Variants in EPAS1 observed in about 807,000 individuals in gnomAD.
EPAS1 encodes the protein endothelial PAS domain-containing protein 1.
A neutral mutation model predicts 87.9 loss-of-function variants in EPAS1; 23 were observed. The ratio of observed to expected loss-of-function variants is 0.26; its 90% CI spans 0.19 to 0.37. EPAS1 has a LOEUF of 0.37. EPAS1 is among the 10% of genes least tolerant of loss of function. The pLI is 1.00. For synonymous variants in EPAS1, 508 were observed against 444.3 expected (o/e 1.14, Z -1.80); for missense variants, 1,138 against 1,120.7 (o/e 1.02, Z -0.22).
At chr2:46,350,029 G>T (rs1227212487) in intron 2 of EPAS1, among the ~76,000 whole-genome samples, 1 of 152,080 alleles carries the variant, frequency 6.6e-6, no homozygotes, top group African/African-American at 2.4e-5. Flanking sequence ...GATATAAAAG[G>T]CCTTATCCTC....
chr2:46,382,551 C>T lies in EPAS1; in HGVS notation c.2414C>T (p.Ala805Val), dbSNP rs564197813. ...SKSRFPPQCY[A>V]TQYQDYSLSS... ...AGCAGGTTCCCCCCACAGTGCTACG[C>T]CACCCAGTACCAGGACTACAGCCTG... Residue 805 changes from alanine (A) to valine (V), a missense_variant, in exon 15 of 16, where the codon GCC becomes GTC. By Grantham distance (64) the Ala-to-Val change is moderately conservative. This residue lies in a region of EPAS1 where 502 missense variants were observed against 427.1 expected (regional missense o/e 1.18). Coordinates refer to ENST00000263734, the MANE Select transcript of EPAS1 (RefSeq NM_001430.5). 6.2e-7 allele frequency: 1 copy of T among 1,614,148 alleles called. No individual in the cohort carries two copies. The highest frequency in any genetic ancestry group is 1.1e-5 in the South Asian group (1 of 91,084).
chr2:46,369,804 A>G (rs1191488768), intron 6 of EPAS1, 23 bp from the exon 7 acceptor site: 17 of 1,583,896 alleles, frequency 1.1e-5, no homozygotes, highest in South Asian at 2.2e-5. Flanking sequence ...TCTTCCTTAC[A>G]TGCTGCCTTT....
chr2:46,380,103 A>G lies in EPAS1; in HGVS notation c.1555-124A>G. 6.6e-7 allele frequency: 1 copy of G among 1,508,958 alleles called. No homozygotes were observed. The highest frequency in any genetic ancestry group is 9.1e-7 in the Non-Finnish European group (1 of 1,099,258). 93.5% of individuals were successfully genotyped at this position (1,508,958 alleles called of 1,614,324 possible). A position where few individuals can be genotyped will look rare whatever the true frequency, so the allele number is the denominator to read the frequency against. On this transcript the variant is annotated intron_variant, in intron 11 of 15. Transcript: ENST00000263734. This position sits in a 1 kb window ranked among gnomAD's most constrained non-coding sequence, Gnocchi z 4.4. ...CTGATAGGCCCTCGGGAGCCAGTGG[A>G]GGCGTTTGAGCAGCACTGTGAAACA... is the stretch of plus-strand genomic sequence containing the variant.
At position 46,343,155 on chromosome 2, in the gene EPAS1, A is replaced by G. The variant is rs191367610; in HGVS notation, c.27-3718A>G. On this transcript the variant is annotated intron_variant, in intron 1 of 15. Transcript: ENST00000263734. ...CCCTCCCAGCACTACTGTGACCGGC[A>G]CCTGTGTCTGCTAAGGCCCACAGCA... is the stretch of plus-strand genomic sequence containing the variant. Among the ~76,000 whole-genome samples, 172 of 152,166 alleles carry G rather than the reference A, an allele frequency of 1.1e-3. 1 individual carries two copies. The highest frequency in any genetic ancestry group is 3.9e-3 in the African/African-American group (162 of 41,496).
At position 46,371,095 on chromosome 2, in the gene EPAS1, A is replaced by G. The variant is rs951828463; in HGVS notation, c.886+1162A>G. Among the ~76,000 whole-genome samples the G allele has an allele frequency of 1.3e-5, 2 of 152,198 alleles. No homozygotes were observed. The highest frequency in any genetic ancestry group is 6.5e-5 in the Admixed American group (1 of 15,292). On this transcript the variant is annotated intron_variant, in intron 7 of 15. Coordinates refer to ENST00000263734, the MANE Select transcript of EPAS1 (RefSeq NM_001430.5). This position sits in a 1 kb window ranked among gnomAD's most constrained non-coding sequence, Gnocchi z 4.3. The stretch of plus-strand genomic sequence containing the variant: ...ATTTGGAAAAGAATGCTTCAAAACG[A>G]GTGCCCACAGTGGTGCAGACAGTGG...
rs1324438295 is a variant in EPAS1 at position 46,356,911 on chromosome 2, CAGGAAA to C, written c.454+105_454+110del. 5 of 848,184 alleles carry C rather than the reference CAGGAAA, an allele frequency of 5.9e-6. No homozygotes were observed. The East Asian group carries it at 1.0e-4, about 17-fold the overall frequency. 52.5% of individuals were successfully genotyped at this position (848,184 alleles called of 1,614,324 possible). ...GAGATAGCTCATGGCCCTTGTGATG[CAGGAAA>C]AATGGATGTCCTTAAAAAATTTAAG... On this transcript the variant is annotated intron_variant, in intron 4 of 15. Coordinates refer to ENST00000263734, the MANE Select transcript of EPAS1 (RefSeq NM_001430.5).
chr2:46,347,509 G>A lies in EPAS1; in HGVS notation c.217+446G>A, dbSNP rs1684056323. The A allele has an allele frequency of 3.9e-6, 1 of 256,846 alleles. No homozygotes were observed. The highest frequency in any genetic ancestry group is 2.2e-5 in the African/African-American group (1 of 45,218). The allele number at this position is 256,846 out of a possible 1,614,324, so 15.9% of individuals were successfully genotyped here. A position where few individuals can be genotyped will look rare whatever the true frequency, so the allele number is the denominator to read the frequency against. On this transcript the variant is annotated intron_variant, in intron 2 of 15. Transcript: ENST00000263734. This position sits in a 1 kb window ranked among gnomAD's most constrained non-coding sequence, Gnocchi z 4.2. ...TCTTTTCCCTCTGAGAAGCCAGTTA[G>A]GCCAAGTAAATCATTTAGTCTCTCT...
chr2:46,314,836 A>G (rs1041189821), intron 1 of EPAS1, among the ~76,000 whole-genome samples: 13 of 152,320 alleles, frequency 8.5e-5, no homozygotes, highest in Non-Finnish European at 1.3e-4. Context: ...ACCCACTTCC[A>G]TGACAGCAGC....
chr2:46,381,559 C>T (rs762273119), intron 12 of EPAS1, 37 bp from the exon 13 acceptor site: 1 of 1,613,774 alleles, frequency 6.2e-7, no homozygotes, highest in South Asian at 1.1e-5. Context: ...CATGTGGCTC[C>T]AGACTCCCTC....
At chr2:46,376,995 G>A (rs1684765773) in intron 9 of EPAS1, among the ~76,000 whole-genome samples, 1 of 152,220 alleles carries the variant, frequency 6.6e-6, no homozygotes, top group Non-Finnish European at 1.5e-5. Flanking sequence ...GAGGGGTTAA[G>A]AGAGGACACC....
intron 1 of EPAS1, among the ~76,000 whole-genome samples, chr2:46,306,296 G>C (rs1683107656): frequency 6.6e-6 from 1 of 152,156 alleles, no homozygotes; most frequent in Non-Finnish European, 1.5e-5. Context: ...GACTGCCTCT[G>C]GTTAGGGGGC....
At chr2:46,370,571 T>A (rs904516916) in intron 7 of EPAS1, among the ~76,000 whole-genome samples, 5 of 152,112 alleles carry the variant, frequency 3.3e-5, no homozygotes, top group Admixed American at 1.3e-4. Flanking sequence ...TGCTTTGCAG[T>A]TTGAAAGAAG....
intron 1 of EPAS1, among the ~76,000 whole-genome samples, chr2:46,322,394 C>T (rs10193827): frequency 0.13 from 19,239 of 152,106 alleles, 2,475 homozygotes; most frequent in African/African-American, 0.32. Context: ...TTGTAAGTGC[C>T]GCAGGACTTA....
At chr2:46,305,899 G>C (rs2104837918) in intron 1 of EPAS1, among the ~76,000 whole-genome samples, 1 of 152,268 alleles carries the variant, frequency 6.6e-6, no homozygotes, top group South Asian at 2.1e-4. Context: ...TGCCCTGTAG[G>C]CTGCCCCCAG....
intron 1 of EPAS1, among the ~76,000 whole-genome samples, chr2:46,311,006 A>G (rs1215349759): frequency 6.6e-6 from 1 of 152,076 alleles, no homozygotes; most frequent in Non-Finnish European, 1.5e-5. Flanking sequence ...CCTCCCCAGT[A>G]GTTGGGACTA....
chr2:46,319,465 T>C (rs757879831), intron 1 of EPAS1, among the ~76,000 whole-genome samples: 13 of 152,242 alleles, frequency 8.5e-5, no homozygotes, highest in Non-Finnish European at 1.8e-4. Context: ...TTTCATGATG[T>C]TAAAAACTTT....
At chr2:46,367,013 T>G (rs977989231) in intron 6 of EPAS1, among the ~76,000 whole-genome samples, 2 of 152,234 alleles carry the variant, frequency 1.3e-5, no homozygotes, top group African/African-American at 4.8e-5. Flanking sequence ...TATTTCCCAG[T>G]TTTTATAGTA....
chr2:46,347,224 CAT>C lies in EPAS1; in HGVS notation c.217+162_217+163del. 1 of 781,304 alleles carries C rather than the reference CAT, an allele frequency of 1.3e-6. No homozygotes were observed. The highest frequency in any genetic ancestry group is 2.1e-6 in the Non-Finnish European group (1 of 466,068). The allele number at this position is 781,304 out of a possible 1,614,324, so 48.4% of individuals were successfully genotyped here. On this transcript the variant is annotated intron_variant, in intron 2 of 15. Coordinates refer to ENST00000263734, the MANE Select transcript of EPAS1 (RefSeq NM_001430.5). This position sits in a 1 kb window ranked among gnomAD's most constrained non-coding sequence, Gnocchi z 4.2. The stretch of plus-strand genomic sequence containing the variant: ...GAGTGATTTATTCCTTCATGTTAAA[CAT>C]CTCTCTTCCAGCAGTGACCTTTACC...
At chr2:46,304,920 G>T (rs1683078784) in intron 1 of EPAS1, among the ~76,000 whole-genome samples, 1 of 152,190 alleles carries the variant, frequency 6.6e-6, no homozygotes, top group Non-Finnish European at 1.5e-5. Flanking sequence ...TTTCTATAGA[G>T]CCCTTTCGCT....
Sources: gnomAD v4.1 joint callset for allele counts (sites outside exome capture counted in the v4.1 genomes callset) on GRCh38, gnomAD v4.1.1 for gene constraint, gnomAD v4.1.1 regional missense constraint, Gnocchi (gnomAD v3.1) non-coding constraint, MANE v1.5 for transcripts, NCBI Gene and HGNC (gene_info 2026-07-23, HGNC 2026-07-21) for gene names.